ZNF14: variants seen among roughly 807,000 people sequenced by gnomAD.
ZNF14 encodes gonadotropin inducible transcription repressor-4.
A neutral mutation model predicts 11.3 loss-of-function variants in ZNF14; 9 were observed. That is an observed-to-expected ratio of 0.80 (90% CI 0.48 to 1.39). The LOEUF (loss-of-function observed/expected upper bound fraction) is 1.39. ZNF14 is among the 40% of genes most tolerant of loss of function. ZNF14 has a pLI of 0.00. For missense variants in ZNF14, 711 were observed against 763.9 expected, an observed-to-expected ratio of 0.93 and a Z score of 0.82; for synonymous variants, 239 against 245.7, an observed-to-expected ratio of 0.97 and a Z score of 0.25.
At chr19:19,715,269 C>A (rs953131989) in intron 1 of ZNF14, among the ~76,000 whole-genome samples, 9 of 152,122 alleles carry the variant, frequency 5.9e-5, no homozygotes, top group Non-Finnish European at 1.2e-4. Context: ...CTTTTATTCC[C>A]ATCAACAAAC....
rs2062389753 is a variant in ZNF14 at position 19,720,426 on chromosome 19, T to G, written c.4-5939A>C. Among the ~76,000 whole-genome samples the G allele has an allele frequency of 6.6e-6, 1 of 151,750 alleles. No homozygotes were observed. Among genetic ancestry groups the G allele is most frequent in the East Asian group, 1.9e-4 (1 of 5,172 alleles). On this transcript the variant is annotated intron_variant, in intron 1 of 3. Coordinates refer to ENST00000344099, the MANE Select transcript of ZNF14 (RefSeq NM_021030.3). This position sits in a 1 kb window ranked among gnomAD's most constrained non-coding sequence, Gnocchi z 4.1. ...CACAACCTCGGGTCACTGCAACCTCTGCTTCCTGGGTTCAAGTAATTCTCC... is the reference window on the plus strand; with the variant it reads ...CACAACCTCGGGTCACTGCAACCTCGGCTTCCTGGGTTCAAGTAATTCTCC...
chr19:19,729,969 T>C (rs565903902), intron 1 of ZNF14, among the ~76,000 whole-genome samples: 9 of 152,178 alleles, frequency 5.9e-5, no homozygotes, highest in Non-Finnish European at 1.3e-4. Flanking sequence ...GTGACATAAT[T>C]CAACACATAC....
intron 1 of ZNF14, among the ~76,000 whole-genome samples, chr19:19,718,296 T>C (rs568461212): frequency 7.2e-5 from 11 of 152,244 alleles, no homozygotes; most frequent in African/African-American, 1.7e-4. Flanking sequence ...TAAGCATATA[T>C]ATAGAAATTC....
intron 3 of ZNF14, 35 bp downstream of exon 3, chr19:19,714,056 C>T (rs1242274300): frequency 1.3e-6 from 2 of 1,596,400 alleles, no homozygotes; most frequent in East Asian, 2.2e-5. Context: ...TGAAATTCCC[C>T]CACGGGCCAC....
intron 1 of ZNF14, among the ~76,000 whole-genome samples, chr19:19,721,556 T>C (rs890582517): frequency 1.3e-5 from 2 of 152,192 alleles, no homozygotes; most frequent in African/African-American, 2.4e-5. Context: ...AATATTTCCA[T>C]AAGAATAATT....
intron 1 of ZNF14, among the ~76,000 whole-genome samples, chr19:19,731,303 G>A (rs763666262): frequency 2.6e-5 from 4 of 151,950 alleles, no homozygotes; most frequent in Admixed American, 1.3e-4. Context: ...AGCCAGGCGC[G>A]GTGGCTCATG....
chr19:19,732,745 G>A (rs1466244579), intron 1 of ZNF14, among the ~76,000 whole-genome samples: 1 of 152,206 alleles, frequency 6.6e-6, no homozygotes, highest in Non-Finnish European at 1.5e-5. Context: ...CTCCAGGACC[G>A]GGGGCCGAGG....
chr19:19,725,788 T>G lies in ZNF14; in HGVS notation c.3+7168A>C, dbSNP rs537675333. 1.1e-4 allele frequency among the ~76,000 whole-genome samples: 15 copies of G among 133,960 alleles called. 3 individuals are homozygous for G. The highest frequency in any genetic ancestry group is 4.1e-4 in the African/African-American group (15 of 36,280). 87.9% of individuals were successfully genotyped at this position (133,960 alleles called of 152,430 possible). On this transcript the variant is annotated intron_variant, in intron 1 of 3. Coordinates refer to ENST00000344099, the MANE Select transcript of ZNF14 (RefSeq NM_021030.3). ...CTTTGTTAATTTCTTTTTACTCTTT[T>G]TTTCTCTAAAGTTCTCTTCTCACTT...
At position 19,714,081 on chromosome 19, in the gene ZNF14, T is replaced by G. The variant is rs2062370525; in HGVS notation, c.191+10A>C. The G allele has an allele frequency of 6.2e-7, 1 of 1,612,670 alleles. No homozygotes were observed. The highest frequency in any genetic ancestry group is 1.3e-5 in the African/African-American group (1 of 74,902). The stretch of plus-strand genomic sequence containing the variant: ...CCACGGGCCACTATTTTTCTGTGGA[T>G]GCAACTCACCTTCGATTTTTCCCCT... On this transcript the variant is annotated intron_variant, in intron 3 of 3. Coordinates refer to ENST00000344099, the MANE Select transcript of ZNF14 (RefSeq NM_021030.3).
chr19:19,732,470 A>G (rs1223594195), intron 1 of ZNF14, among the ~76,000 whole-genome samples: 1 of 152,192 alleles, frequency 6.6e-6, no homozygotes, highest in Non-Finnish European at 1.5e-5. Flanking sequence ...TGCTGGGAGC[A>G]CTAGAGGGGG....
rs2062358227 is a variant in ZNF14 at position 19,711,158 on chromosome 19, T to C, written c.*194A>G. 3.8e-6 allele frequency: 2 copies of C among 530,482 alleles called. No individual in the cohort carries two copies. The highest frequency in any genetic ancestry group is 3.9e-5 in the African/African-American group (2 of 51,198). The allele number at this position is 530,482 out of a possible 1,614,324, so 32.9% of individuals were successfully genotyped here. On this transcript the variant is annotated 3_prime_UTR_variant, in exon 4 of 4. Coordinates refer to ENST00000344099, the MANE Select transcript of ZNF14 (RefSeq NM_021030.3). ...TGTCTTTGAAATGAATTAGGTCAAC[T>C]GAAGGCTTAATCACAATGTTTACAT...
chr19:19,732,161 G>A (rs781342548), intron 1 of ZNF14, among the ~76,000 whole-genome samples: 8 of 152,182 alleles, frequency 5.3e-5, no homozygotes, highest in Non-Finnish European at 1.2e-4. Context: ...AATCTCTTGG[G>A]TAGAAACCAC....
intron 1 of ZNF14, among the ~76,000 whole-genome samples, chr19:19,728,135 C>T (rs1408150136): frequency 1.5e-5 from 2 of 130,906 alleles, no homozygotes; most frequent in African/African-American, 5.7e-5. Flanking sequence ...CAAAACAAAA[C>T]AAACAAAAAA....
intron 1 of ZNF14, among the ~76,000 whole-genome samples, chr19:19,719,594 C>T (rs1253849687): frequency 6.6e-6 from 1 of 151,968 alleles, no homozygotes; most frequent in Non-Finnish European, 1.5e-5. Flanking sequence ...CAACAAAAAA[C>T]TATAATTGAT....
intron 1 of ZNF14, among the ~76,000 whole-genome samples, chr19:19,726,610 A>C (rs2062406998): frequency 7.5e-6 from 1 of 133,538 alleles, no homozygotes; most frequent in South Asian, 2.4e-4. Flanking sequence ...CTCTCTTCAA[A>C]GCTGTCAGAC....
chr19:19,723,884 A>T (rs2062399956), intron 1 of ZNF14, among the ~76,000 whole-genome samples: 1 of 133,982 alleles, frequency 7.5e-6, no homozygotes. Flanking sequence ...TGTTTATACT[A>T]TTCTCTGATG....
rs1441291375 is a variant in ZNF14, at chr19:19,726,216, G to GT, written c.3+6739dup. Among the ~76,000 whole-genome samples the GT allele has an allele frequency of 1.5e-5, 2 of 134,342 alleles. 1 individual carries two copies. The highest frequency in any genetic ancestry group is 3.3e-5 in the Non-Finnish European group (2 of 60,424). The allele number at this position is 134,342 out of a possible 152,430, so 88.1% of individuals were successfully genotyped here. A position where few individuals can be genotyped will look rare whatever the true frequency, so the allele number is the denominator to read the frequency against. On this transcript the variant is annotated intron_variant, in intron 1 of 3. Transcript: ENST00000344099. ...GCTCTGGTTTCTTCCCATCTTTGTG[G>GT]TTTTATCTACCTCTGGTCTTTGATG...
intron 1 of ZNF14, among the ~76,000 whole-genome samples, 156 bp from the exon 2 acceptor site, chr19:19,714,643 C>G (rs1169556940): frequency 6.6e-6 from 1 of 151,964 alleles, no homozygotes; most frequent in East Asian, 1.9e-4. Context: ...CACTGACTTC[C>G]TCATAAAATT....
chr19:19,712,225 C>A lies in ZNF14; in HGVS notation c.1056G>T (p.Val352=). The change falls in exon 4 of 4, where the codon GTG becomes GTT. Residue 352 remains valine (V), a synonymous_variant. Transcript: ENST00000344099. ...TTTCTCCAATATGAGTTCTTTCATGCACTCGACAGGAATTAGAAGAGTTGA... is the reference window on the plus strand; with the variant it reads ...TTTCTCCAATATGAGTTCTTTCATGAACTCGACAGGAATTAGAAGAGTTGA... ...KAFNSSNSCR[V]HERTHIGEKP... 3.7e-6 allele frequency: 6 copies of A among 1,613,938 alleles called. No homozygotes were observed. Among genetic ancestry groups the A allele is most frequent in the Non-Finnish European group, 5.1e-6 (6 of 1,179,984 alleles).
Sources: gnomAD v4.1 joint callset for allele counts (sites outside exome capture counted in the v4.1 genomes callset) on GRCh38, gnomAD v4.1.1 for gene constraint, Gnocchi (gnomAD v3.1) non-coding constraint, MANE v1.5 for transcripts, NCBI Gene and HGNC (gene_info 2026-07-23, HGNC 2026-07-21) for gene names.